The following INTS7 variants were observed in gnomAD, a reference collection of about 807,000 sequenced individuals.
INTS7 encodes the protein chromosome 1 open reading frame 73.
Under a neutral mutation model 109.2 loss-of-function variants are expected in INTS7, and 46 were observed. The observed-to-expected ratio is 0.42, with a 90% CI of 0.33 to 0.54. The LOEUF is 0.54. Ranked by LOEUF, INTS7 falls within the 20% of genes least tolerant of loss-of-function variation. The pLI is 0.07. For missense variants in INTS7, 929 were observed against 1,132.4 expected (o/e 0.82, Z 2.58); for synonymous variants, 412 against 402.9 (o/e 1.02, Z -0.27).
Position 212,011,414 on chromosome 1 carries a change from CA to C in INTS7, c.516del (p.Phe172LeufsTer3). 2 of 1,580,194 alleles carry C rather than the reference CA, an allele frequency of 1.3e-6. No individual in the cohort carries two copies. Among genetic ancestry groups the C allele is most frequent in the Non-Finnish European group, 1.7e-6 (2 of 1,154,512 alleles). On this transcript the variant is annotated frameshift_variant, in exon 5 of 20. Transcript: ENST00000366994. LOFTEE classifies it high-confidence loss of function. The stretch of plus-strand genomic sequence containing the variant: ...CTGATTTTGTTACAGATTCCTACAG[CA>C]AAATCCCTTTGGAAAAAGAGAACAG... ...AANFSAQSKD[F>X]AVGICNKISE...
chr1:211,991,484 T>C (rs1227861056), intron 7 of INTS7, among the ~76,000 whole-genome samples: 7 of 152,212 alleles, frequency 4.6e-5, no homozygotes, highest in African/African-American at 1.2e-4. Flanking sequence ...AGGAGCTACA[T>C]AGATGAGAGA....
chr1:211,984,525 C>A (rs1664809172), intron 8 of INTS7, among the ~76,000 whole-genome samples: 1 of 152,042 alleles, frequency 6.6e-6, no homozygotes, highest in Non-Finnish European at 1.5e-5. Flanking sequence ...AGATACTGGC[C>A]AATATTCTGC....
chr1:211,963,807 AACT>A (rs200605570), intron 16 of INTS7, among the ~76,000 whole-genome samples: 2 of 151,814 alleles, frequency 1.3e-5, no homozygotes, highest in African/African-American at 4.9e-5. Flanking sequence ...TTAAAAAAAA[AACT>A]CTGAATAAAC....
In INTS7 at chr1:211,989,536, T is replaced by C. The variant is rs186253098; in HGVS notation, c.880-1533A>G. Among the ~76,000 whole-genome samples the C allele has an allele frequency of 3.9e-5, 6 of 152,190 alleles. No individual in the cohort carries two copies. The East Asian group carries it at 1.2e-3, about 29-fold the overall frequency. Reference sequence around the variant, plus strand: ...ACCAAGAACCTTAATATATAAAAAGTTCTGGCTGGGCACAGTGGCTCACGT... The same window carrying C: ...ACCAAGAACCTTAATATATAAAAAGCTCTGGCTGGGCACAGTGGCTCACGT... On this transcript the variant is annotated intron_variant, in intron 7 of 19. Transcript: ENST00000366994.
In INTS7 at chr1:211,944,764, C is replaced by T; in HGVS notation, c.2601+20G>A. 1 of 1,597,086 alleles carries T rather than the reference C, an allele frequency of 6.3e-7. No individual in the cohort carries two copies. Among genetic ancestry groups the T allele is most frequent in the South Asian group, 1.1e-5 (1 of 90,618 alleles). The stretch of plus-strand genomic sequence containing the variant: ...CTCATATAAAACCTGTATCACAATT[C>T]TGCCTCTTTTCTAAATTACCTTGTA... On this transcript the variant is annotated intron_variant, in intron 19 of 19. Coordinates refer to ENST00000366994, the MANE Select transcript of INTS7 (RefSeq NM_015434.4).
intron 4 of INTS7, among the ~76,000 whole-genome samples, chr1:212,012,141 A>G (rs962536472): frequency 2.6e-5 from 4 of 152,136 alleles, no homozygotes; most frequent in African/African-American, 2.4e-5. Context: ...AGTTGCCACT[A>G]GGGGACACTG....
In INTS7 at chr1:211,946,670, C is replaced by G. The variant is rs760122053; in HGVS notation, c.2352G>C (p.Leu784Phe). 7 of 1,613,196 alleles carry G rather than the reference C, an allele frequency of 4.3e-6. No individual in the cohort carries two copies. Among genetic ancestry groups the G allele is most frequent in the Non-Finnish European group, 5.9e-6 (7 of 1,179,522 alleles). The change falls in exon 18 of 20, where the codon TTG becomes TTC. Residue 784 changes from leucine (L) to phenylalanine (F), a missense_variant. By Grantham distance (22) the Leu-to-Phe change is conservative (BLOSUM62 0). Coordinates refer to ENST00000366994, the MANE Select transcript of INTS7 (RefSeq NM_015434.4). This position sits in a 1 kb window ranked among gnomAD's most constrained non-coding sequence, Gnocchi z 4.3. ...TACLCNAIIA[L>F]LKVPLSFQRY... ...TCTGGAAAGAAAGGGGAACTTTCAG[C>G]AAAGCAATGATGGCATTGCAGAGGC...
chr1:211,944,663 G>C (rs1462685376), intron 19 of INTS7, 121 bp downstream of exon 19: 2 of 768,030 alleles, frequency 2.6e-6, no homozygotes, highest in Admixed American at 4.7e-5. Flanking sequence ...TTTAATTTAT[G>C]TCCATCTGAT....
chr1:211,989,804 A>G lies in INTS7; in HGVS notation c.880-1801T>C, dbSNP rs572005402. On this transcript the variant is annotated intron_variant, in intron 7 of 19. Coordinates refer to ENST00000366994, the MANE Select transcript of INTS7 (RefSeq NM_015434.4). ...GCCACTGTATTCCAGCCAGGGCGAC[A>G]GAGCAAGACTCCGTTTCAAAAAAAA... is the stretch of plus-strand genomic sequence containing the variant. Among the ~76,000 whole-genome samples the G allele has an allele frequency of 1.5e-4, 22 of 151,258 alleles. 1 individual carries two copies. The highest frequency in any genetic ancestry group is 4.1e-4 in the African/African-American group (17 of 41,054).
At chr1:212,004,140 TTC>T (rs1168764187) in intron 7 of INTS7, among the ~76,000 whole-genome samples, 1 of 152,016 alleles carries the variant, frequency 6.6e-6, no homozygotes, top group Non-Finnish European at 1.5e-5. Flanking sequence ...AGGTCAAGAG[TTC>T]AGGACCAGCC....
rs879378917 is a variant in INTS7, at chr1:211,972,574, C to CA, written c.1815+2591dup. ...TTTACATTAAGGAATACTAAACCTA[C>CA]AACATCTTTTGAAGGTGGATAGCAC... On this transcript the variant is annotated intron_variant, in intron 13 of 19. Transcript: ENST00000366994. Among the ~76,000 whole-genome samples the CA allele has an allele frequency of 2.2e-4, 34 of 152,304 alleles. No individual in the cohort carries two copies. The South Asian group carries it at 4.4e-3, about 20-fold the overall frequency.
chr1:212,005,861 G>A (rs1218526030), intron 7 of INTS7, among the ~76,000 whole-genome samples: 2 of 152,050 alleles, frequency 1.3e-5, no homozygotes, highest in African/African-American at 4.8e-5. Context: ...GGATATCTGT[G>A]ACTATCAAAT....
intron 13 of INTS7, among the ~76,000 whole-genome samples, chr1:211,968,957 C>G (rs1442463018): frequency 2.0e-5 from 3 of 151,998 alleles, no homozygotes; most frequent in Non-Finnish European, 1.5e-5. Flanking sequence ...TCACAAAGAC[C>G]CCATAATATG....
intron 8 of INTS7, among the ~76,000 whole-genome samples, chr1:211,986,030 AATTCC>A (rs963856808): frequency 6.6e-6 from 1 of 152,212 alleles, no homozygotes; most frequent in Non-Finnish European, 1.5e-5. Context: ...GTGATCTTCC[AATTCC>A]ATGTGACTTG....
chr1:211,985,645 C>CA (rs1271195922), intron 8 of INTS7, among the ~76,000 whole-genome samples: 3 of 152,064 alleles, frequency 2.0e-5, no homozygotes, highest in East Asian at 1.9e-4. Flanking sequence ...CAGTTTGGTA[C>CA]AAAAAAGAGA....
chr1:211,944,767 C>T lies in INTS7; in HGVS notation c.2601+17G>A. ...ATATAAAACCTGTATCACAATTCTG[C>T]CTCTTTTCTAAATTACCTTGTAGTC... On this transcript the variant is annotated intron_variant, in intron 19 of 19. Coordinates refer to ENST00000366994, the MANE Select transcript of INTS7 (RefSeq NM_015434.4). The T allele has an allele frequency of 6.2e-7, 1 of 1,601,292 alleles. No homozygotes were observed. Among genetic ancestry groups the T allele is most frequent in the Non-Finnish European group, 8.6e-7 (1 of 1,168,668 alleles).
rs112488185 is a variant in INTS7 at position 212,024,002 on chromosome 1, T to C, written c.95-2790A>G. Among the ~76,000 whole-genome samples the C allele has an allele frequency of 9.8e-5, 15 of 152,328 alleles. 1 individual carries two copies. The highest frequency in any genetic ancestry group is 3.6e-4 in the African/African-American group (15 of 41,566). ...TCCCATTGCTTATTTTTATCGACTT[T>C]GTTGAAGATCAGATGGCTGCAGGTG... On this transcript the variant is annotated intron_variant, in intron 1 of 19. Coordinates refer to ENST00000366994, the MANE Select transcript of INTS7 (RefSeq NM_015434.4).
chr1:212,034,312 T>G (rs1266198614), intron 1 of INTS7, among the ~76,000 whole-genome samples: 1 of 152,060 alleles, frequency 6.6e-6, no homozygotes, highest in Non-Finnish European at 1.5e-5. Context: ...AAACTCTTAT[T>G]TAGACTAACC....
intron 1 of INTS7, chr1:212,025,814 G>C (rs1666892029): frequency 6.6e-6 from 1 of 152,116 alleles, no homozygotes; most frequent in African/African-American, 2.4e-5. Context: ...ACAGGAATAA[G>C]TATCTTAGAA....
Sources: allele counts gnomAD v4.1 joint callset (sites outside exome capture counted in the v4.1 genomes callset), GRCh38; gene constraint gnomAD v4.1.1; non-coding constraint Gnocchi (gnomAD v3.1); transcripts MANE v1.5; gene names NCBI Gene and HGNC (gene_info 2026-07-23, HGNC 2026-07-21).